Variants in PCDHGA10 observed in about 807,000 individuals in gnomAD.
PCDHGA10 encodes protocadherin gamma subfamily A, 10.
In PCDHGA10, 42 loss-of-function variants were observed where a neutral mutation model predicts 59.5. That is an observed-to-expected ratio of 0.71 (90% CI 0.55 to 0.91). The LOEUF is 0.91. Ranked by LOEUF, PCDHGA10 falls within the 40% of genes least tolerant of loss-of-function variation. The pLI, the probability that PCDHGA10 is intolerant of heterozygous loss-of-function variation, is 0.00. For missense variants in PCDHGA10, 1,111 were observed against 1,198.2 expected (o/e 0.93, Z 1.07); for synonymous variants, 511 against 517.2 (o/e 0.99, Z 0.16).
Position 141,489,779 on chromosome 5 carries a change from T to C in PCDHGA10, c.2437-5028T>C, listed in dbSNP as rs1269302289. 1.9e-6 allele frequency: 3 copies of C among 1,614,168 alleles called. No homozygotes were observed. Among genetic ancestry groups the C allele is most frequent in the Non-Finnish European group, 2.5e-6 (3 of 1,179,996 alleles). On this transcript the variant is annotated intron_variant, in intron 1 of 3. Coordinates refer to ENST00000398610, the MANE Select transcript of PCDHGA10 (RefSeq NM_018913.3). The surrounding 1 kb of genome is among the most constrained non-coding windows in gnomAD (Gnocchi z 4.5). ...CTAAGCCCCAACAGCCACTTCTCTC[T>C]GAATGTGAAGACCCTAAAAGATGGG...
Position 141,431,075 on chromosome 5 carries a change from C to G in PCDHGA10, c.2436+15464C>G. ...GGGGGCCATCAAGTGTCAATTAAAT[C>G]TAGACATTCTGATGGAGGATAAAGT... is the stretch of plus-strand genomic sequence containing the variant. On this transcript the variant is annotated intron_variant, in intron 1 of 3. Coordinates refer to ENST00000398610, the MANE Select transcript of PCDHGA10 (RefSeq NM_018913.3). The surrounding 1 kb of genome is among the most constrained non-coding windows in gnomAD (Gnocchi z 4.8). 1 of 1,614,156 alleles carries G rather than the reference C, an allele frequency of 6.2e-7. No homozygotes were observed. Among genetic ancestry groups the G allele is most frequent in the Non-Finnish European group, 8.5e-7 (1 of 1,179,984 alleles).
At chr5:141,474,965 A>T (rs1268347441) in intron 1 of PCDHGA10, among the ~76,000 whole-genome samples, 1 of 152,236 alleles carries the variant, frequency 6.6e-6, no homozygotes, top group Non-Finnish European at 1.5e-5. Context: ...TATCCTAATC[A>T]TTATAATTTT....
At chr5:141,498,669 C>T (rs774292307) in intron 2 of PCDHGA10, among the ~76,000 whole-genome samples, 29 of 152,156 alleles carry the variant, frequency 1.9e-4, no homozygotes, top group African/African-American at 6.0e-4. Flanking sequence ...TGGTGGCTCA[C>T]GCCTGTAATC....
At chr5:141,450,810 AT>A (rs755484062) in intron 1 of PCDHGA10, among the ~76,000 whole-genome samples, 1 of 136,728 alleles carries the variant, frequency 7.3e-6, no homozygotes, top group Admixed American at 7.3e-5. Context: ...TTATTTATTT[AT>A]TTAATATTAT....
In PCDHGA10 at chr5:141,485,115, G is replaced by A. The variant is rs1043877839; in HGVS notation, c.2437-9692G>A. 6.9e-6 allele frequency: 9 copies of A among 1,300,470 alleles called. No individual in the cohort carries two copies. Among genetic ancestry groups the A allele is most frequent in the Non-Finnish European group, 1.1e-6 (1 of 911,406 alleles). 80.6% of individuals were successfully genotyped at this position (1,300,470 alleles called of 1,614,324 possible). ...GTGTCTCCAGCTGCTGTGGCTGTTT[G>A]GGGCGGGTCGGCTTCATCCGCGTCT... On this transcript the variant is annotated intron_variant, in intron 1 of 3. Coordinates refer to ENST00000398610, the MANE Select transcript of PCDHGA10 (RefSeq NM_018913.3). The surrounding 1 kb of genome is among the most constrained non-coding windows in gnomAD (Gnocchi z 5.7).
intron 1 of PCDHGA10, among the ~76,000 whole-genome samples, chr5:141,458,890 C>A (rs369529373): frequency 2.0e-5 from 3 of 152,042 alleles, no homozygotes; most frequent in African/African-American, 7.2e-5. Flanking sequence ...GCACACCATG[C>A]GCAGCTAATT....
Position 141,432,123 on chromosome 5 carries a change from C to T in PCDHGA10, c.2436+16512C>T. 6.2e-7 allele frequency: 1 copy of T among 1,614,172 alleles called. No homozygotes were observed. The highest frequency in any genetic ancestry group is 8.5e-7 in the Non-Finnish European group (1 of 1,180,042). ...GACAACCCGCCGGTCTTCCCTCAGGCCTCCTATTCCGCTTATATCCCAGAG... is the reference window on the plus strand; with the variant it reads ...GACAACCCGCCGGTCTTCCCTCAGGTCTCCTATTCCGCTTATATCCCAGAG... On this transcript the variant is annotated intron_variant, in intron 1 of 3. Coordinates refer to ENST00000398610, the MANE Select transcript of PCDHGA10 (RefSeq NM_018913.3). The surrounding 1 kb of genome is among the most constrained non-coding windows in gnomAD (Gnocchi z 6.0).
chr5:141,417,387 G>GA (rs1356605500), intron 1 of PCDHGA10: 1 of 154,090 alleles, frequency 6.5e-6, no homozygotes, highest in Non-Finnish European at 1.4e-5. Context: ...AAATTTTGAA[G>GA]AAAAAATATT....
intron 1 of PCDHGA10, chr5:141,418,984 C>T: frequency 6.2e-7 from 1 of 1,613,930 alleles, no homozygotes; most frequent in African/African-American, 1.3e-5. Flanking sequence ...GGGACCAAGA[C>T]TCAGGGGAAA....
chr5:141,482,923 AT>A (rs1193255251), intron 1 of PCDHGA10, among the ~76,000 whole-genome samples: 10 of 152,074 alleles, frequency 6.6e-5, no homozygotes, highest in Non-Finnish European at 1.5e-4. Context: ...AATACAAAAA[AT>A]TAGCCAGGTG....
rs1040028231 is a variant in PCDHGA10, at chr5:141,485,542, C to T, written c.2437-9265C>T. 6.8e-6 allele frequency: 11 copies of T among 1,613,900 alleles called. No individual in the cohort carries two copies. Among genetic ancestry groups the T allele is most frequent in the Admixed American group, 6.7e-5 (4 of 59,996 alleles). On this transcript the variant is annotated intron_variant, in intron 1 of 3. Coordinates refer to ENST00000398610, the MANE Select transcript of PCDHGA10 (RefSeq NM_018913.3). The surrounding 1 kb of genome is among the most constrained non-coding windows in gnomAD (Gnocchi z 5.7). ...AAATGTACCGAGCAGAGGTAGAGAT[C>T]GTAGATGTGAATGATCACGCCCCCC...
chr5:141,509,081 A>C (rs1279221589), intron 3 of PCDHGA10, among the ~76,000 whole-genome samples: 2 of 152,160 alleles, frequency 1.3e-5, no homozygotes, highest in Non-Finnish European at 2.9e-5. Flanking sequence ...GATTTGCGAC[A>C]TGAAATGGGG....
At chr5:141,421,977 G>A in intron 1 of PCDHGA10, 1 of 1,609,542 alleles carries the variant, frequency 6.2e-7, no homozygotes, top group Admixed American at 1.7e-5. Context: ...TATATCGCGT[G>A]AGTGTTCCAG....
intron 1 of PCDHGA10, among the ~76,000 whole-genome samples, chr5:141,438,835 A>T (rs1591550617): frequency 6.7e-6 from 1 of 149,784 alleles, no homozygotes; most frequent in African/African-American, 2.5e-5. Flanking sequence ...CTAATTTTTT[A>T]AAATATTTTT....
intron 1 of PCDHGA10, among the ~76,000 whole-genome samples, chr5:141,469,684 T>C (rs1471928749): frequency 6.6e-6 from 1 of 152,256 alleles, no homozygotes; most frequent in Non-Finnish European, 1.5e-5. Flanking sequence ...ACATATGCAT[T>C]GGTCCTATGA....
chr5:141,416,308 T>C (rs1472911605), intron 1 of PCDHGA10: 1 of 152,266 alleles, frequency 6.6e-6, no homozygotes, highest in East Asian at 1.9e-4. Context: ...ATGTGGAAGA[T>C]ATAGCATTTT....
intron 1 of PCDHGA10, among the ~76,000 whole-genome samples, chr5:141,455,732 A>G (rs1056074268): frequency 6.6e-6 from 1 of 152,190 alleles, no homozygotes; most frequent in Non-Finnish European, 1.5e-5. Context: ...CTGCATTTGC[A>G]TATCAAAGGT....
chr5:141,497,218 GA>G (rs1172998466), intron 2 of PCDHGA10, among the ~76,000 whole-genome samples: 1 of 149,792 alleles, frequency 6.7e-6, no homozygotes, highest in Non-Finnish European at 1.5e-5. Flanking sequence ...ATGGGGGGGG[GA>G]AGATCAGAGA....
intron 1 of PCDHGA10, among the ~76,000 whole-genome samples, chr5:141,463,518 G>T (rs537466389): frequency 7.2e-6 from 1 of 139,068 alleles, no homozygotes; most frequent in African/African-American, 2.8e-5. Context: ...GCGTGATCTC[G>T]GCTTACTAGA....
Sources: allele counts gnomAD v4.1 joint callset (sites outside exome capture counted in the v4.1 genomes callset), GRCh38; gene constraint gnomAD v4.1.1; non-coding constraint Gnocchi (gnomAD v3.1); transcripts MANE v1.5; gene names NCBI Gene and HGNC (gene_info 2026-07-23, HGNC 2026-07-21).